USP24: variants seen among roughly 807,000 people sequenced by gnomAD.
USP24 encodes the protein ubiquitin carboxyl-terminal hydrolase 24.
USP24 carries 97 observed loss-of-function variants against 361.6 expected under a neutral mutation model. The ratio of observed to expected loss-of-function variants is 0.27; its 90% CI spans 0.23 to 0.32. USP24 has a LOEUF of 0.32. Among genes scored for constraint, USP24 ranks in the 10% least tolerant of loss-of-function variants. The probability of loss-of-function intolerance (pLI) is 1.00; values close to 1 mark genes in which losing one functional copy is unlikely to be tolerated. For synonymous variants in USP24, 1,098 were observed against 1,124.6 expected, an observed-to-expected ratio of 0.98 and a Z score of 0.47; for missense variants, 2,353 against 3,165.6, an observed-to-expected ratio of 0.74 and a Z score of 6.16.
Position 55,083,966 on chromosome 1 carries a change from AACC to A in USP24, c.6766-81_6766-79del. The A allele has an allele frequency of 4.4e-6, 5 of 1,145,002 alleles. No homozygotes were observed. In the South Asian group the frequency reaches 7.3e-5, roughly 17 times the overall value. 70.9% of individuals were successfully genotyped at this position (1,145,002 alleles called of 1,614,324 possible). ...TTTATAACAGGATTAATTTGAGGTAAACCACCATAAGAACAAAAGGAAAGTCTG... is the reference window on the plus strand; with the variant it reads ...TTTATAACAGGATTAATTTGAGGTAAACCATAAGAACAAAAGGAAAGTCTG... On this transcript the variant is annotated intron_variant, in intron 56 of 67. Transcript: ENST00000294383.
intron 61 of USP24, among the ~76,000 whole-genome samples, 184 bp downstream of exon 61, chr1:55,078,354 A>T (rs1039510828): frequency 6.6e-6 from 1 of 152,158 alleles, no homozygotes; most frequent in Non-Finnish European, 1.5e-5. Context: ...AAGAGAGTGT[A>T]GTAATTAATC....
intron 67 of USP24, chr1:55,071,469 C>A: frequency 9.6e-7 from 1 of 1,040,638 alleles, no homozygotes; most frequent in Non-Finnish European, 1.2e-6. Flanking sequence ...CTGGTGAGAG[C>A]AAACGAGGGA....
intron 63 of USP24, among the ~76,000 whole-genome samples, chr1:55,074,387 A>C (rs1394761593): frequency 1.3e-5 from 2 of 152,270 alleles, no homozygotes; most frequent in East Asian, 3.9e-4. Flanking sequence ...TAATCCCTGC[A>C]CTTTGGGAGG....
intron 61 of USP24, among the ~76,000 whole-genome samples, chr1:55,077,512 T>C (rs1645054572): frequency 6.6e-6 from 1 of 152,184 alleles, no homozygotes; most frequent in Non-Finnish European, 1.5e-5. Flanking sequence ...TCTGATACTT[T>C]ACTATGAAAT....
At chr1:55,075,209 G>A (rs1051964032) in intron 63 of USP24, among the ~76,000 whole-genome samples, 1 of 151,782 alleles carries the variant, frequency 6.6e-6, no homozygotes, top group African/African-American at 2.4e-5. Context: ...CCTGAATCTT[G>A]CCTTATCTGG....
At chr1:55,079,787 ACACACT>A (rs1383932518) in intron 59 of USP24, 128 bp from the exon 60 acceptor site, 2 of 1,204,956 alleles carry the variant, frequency 1.7e-6, no homozygotes, top group African/African-American at 3.9e-5. Flanking sequence ...CAGAGTACTC[ACACACT>A]GAGTACTCAC....
chr1:55,162,054 AT>A (rs1156723140), intron 8 of USP24, 144 bp downstream of exon 8: 9 of 654,970 alleles, frequency 1.4e-5, no homozygotes, highest in East Asian at 3.5e-5. Context: ...TTATTATCTG[AT>A]GGCATTTTTA....
chr1:55,196,540 C>T (rs550590912), intron 1 of USP24, among the ~76,000 whole-genome samples: 4 of 152,142 alleles, frequency 2.6e-5, no homozygotes, highest in African/African-American at 9.6e-5. Context: ...TTATATTACC[C>T]CTGTTAAGAA....
intron 1 of USP24, among the ~76,000 whole-genome samples, chr1:55,178,406 C>T (rs757191188): frequency 4.6e-5 from 7 of 152,272 alleles, no homozygotes; most frequent in Non-Finnish European, 8.8e-5. Flanking sequence ...CAGTGGCTCA[C>T]ACCTGTAATC....
intron 39 of USP24, among the ~76,000 whole-genome samples, chr1:55,109,933 T>G (rs749192763): frequency 6.6e-6 from 1 of 152,194 alleles, no homozygotes; most frequent in Non-Finnish European, 1.5e-5. Flanking sequence ...TCAGTGTAAT[T>G]AAAATATGAG....
At chr1:55,117,303 G>A (rs1176113362) in intron 38 of USP24, among the ~76,000 whole-genome samples, 2 of 152,162 alleles carry the variant, frequency 1.3e-5, no homozygotes, top group African/African-American at 4.8e-5. Flanking sequence ...TCTATTCAAC[G>A]TAGTATTGAA....
chr1:55,111,683 G>C (rs918831297), intron 38 of USP24, among the ~76,000 whole-genome samples: 134 of 152,066 alleles, frequency 8.8e-4, no homozygotes, highest in African/African-American at 3.0e-3. Context: ...TAAATATACA[G>C]CTGATGTCTA....
intron 61 of USP24, among the ~76,000 whole-genome samples, chr1:55,077,626 G>A (rs923458742): frequency 3.5e-4 from 54 of 152,160 alleles, no homozygotes; most frequent in African/African-American, 1.2e-3. Context: ...GAAGATGCTG[G>A]TAGAGCTACA....
intron 52 of USP24, 84 bp from the exon 53 acceptor site, chr1:55,093,000 A>G (rs2100475987): frequency 2.3e-6 from 2 of 854,938 alleles, no homozygotes; most frequent in African/African-American, 1.8e-5. Flanking sequence ...ATGTAAAAAT[A>G]TAGGTAAAAA....
chr1:55,196,108 C>T (rs547200829), intron 1 of USP24, among the ~76,000 whole-genome samples: 19 of 152,196 alleles, frequency 1.2e-4, no homozygotes, highest in African/African-American at 4.3e-4. Flanking sequence ...CTTACCGGAC[C>T]CATCAGCAAT....
chr1:55,091,954 A>C (rs1378450792), intron 54 of USP24, 69 bp downstream of exon 54: 2 of 1,167,834 alleles, frequency 1.7e-6, no homozygotes, highest in Non-Finnish European at 2.5e-6. Context: ...TTTAATTATA[A>C]ATTCAACTTC....
rs200933953 is a variant in USP24, at chr1:55,173,255, AT to A, written c.559-736del. ...TCCTTTTTGGTATGTACAAAATAAT[AT>A]TTTTTTTTAATTGTTTAAGCAAATC... On this transcript the variant is annotated intron_variant, in intron 3 of 67. Transcript: ENST00000294383. Among the ~76,000 whole-genome samples, 1,390 of 151,836 alleles carry A rather than the reference AT, an allele frequency of 9.2e-3. 19 individuals are homozygous for A. The highest frequency in any genetic ancestry group is 0.028 in the African/African-American group (1,177 of 41,470).
intron 37 of USP24, 133 bp from the exon 38 acceptor site, chr1:55,120,889 G>A: frequency 1.7e-6 from 2 of 1,170,104 alleles, no homozygotes; most frequent in Non-Finnish European, 2.3e-6. Flanking sequence ...AGGTATGAGT[G>A]TTTCAGATTT....
Position 55,134,096 on chromosome 1 carries a change from C to G in USP24, c.3355G>C (p.Asp1119His). 1 of 1,613,688 alleles carries G rather than the reference C, an allele frequency of 6.2e-7. No individual in the cohort carries two copies. The highest frequency in any genetic ancestry group is 8.5e-7 in the Non-Finnish European group (1 of 1,179,768). Residue 1119 changes from aspartate to histidine, a missense_variant, in exon 30 of 68, where the codon GAT becomes CAT. Asp to His is a moderately conservative substitution (Grantham distance 81). This residue lies in a region of USP24 where 949 missense variants were observed against 1,280.5 expected (regional missense o/e 0.74). Coordinates refer to ENST00000294383, the MANE Select transcript of USP24 (RefSeq NM_015306.3). ...PTDPAIQEAL[D>H]QLDSLGRKKT... Reference sequence around the variant, plus strand: ...TTTCTTCCTAAAGAATCAAGTTGATCAAGGGCTTCCTGAATGGCTGGATCA... The same window carrying G: ...TTTCTTCCTAAAGAATCAAGTTGATGAAGGGCTTCCTGAATGGCTGGATCA...
Sources: allele counts gnomAD v4.1 joint callset (sites outside exome capture counted in the v4.1 genomes callset), GRCh38; gene constraint gnomAD v4.1.1; regional missense constraint gnomAD v4.1.1; transcripts MANE v1.5; gene names NCBI Gene and HGNC (gene_info 2026-07-23, HGNC 2026-07-21).